The following TEX36 variants were observed in gnomAD, a reference collection of about 807,000 sequenced individuals.
TEX36 encodes testis-expressed protein 36.
A neutral mutation model predicts 13.6 loss-of-function variants in TEX36; 12 were observed. That is an observed-to-expected ratio of 0.88 (90% confidence interval 0.56 to 1.43). TEX36 has a LOEUF of 1.43. TEX36 is among the 40% of genes most tolerant of loss of function. The pLI is 0.00. For synonymous variants in TEX36, 93 were observed against 83.0 expected, an observed-to-expected ratio of 1.12 and a Z score of -0.65; for missense variants, 224 against 228.3, an observed-to-expected ratio of 0.98 and a Z score of 0.12.
intron 1 of TEX36, among the ~76,000 whole-genome samples, chr10:125,676,905 C>T (rs545670574): frequency 6.6e-6 from 1 of 152,186 alleles, no homozygotes; most frequent in Non-Finnish European, 1.5e-5. Context: ...AAAAGTCCTT[C>T]CCTCAGCATT....
chr10:125,663,144 C>T (rs1847073326), intron 1 of TEX36, among the ~76,000 whole-genome samples: 1 of 152,220 alleles, frequency 6.6e-6, no homozygotes, highest in South Asian at 2.1e-4. Flanking sequence ...ACTAAACTTT[C>T]TCAAGCCTCG....
intron 1 of TEX36, among the ~76,000 whole-genome samples, chr10:125,673,169 A>G (rs558342060): frequency 6.5e-4 from 99 of 152,244 alleles, no homozygotes; most frequent in African/African-American, 2.3e-3. Flanking sequence ...TGTCATCATG[A>G]TGTTAGCTGG....
intron 3 of TEX36, among the ~76,000 whole-genome samples, chr10:125,586,894 G>A (rs1299694322): frequency 1.3e-5 from 2 of 152,132 alleles, no homozygotes; most frequent in African/African-American, 4.8e-5. Context: ...TGGAGGTGGG[G>A]CCTGGTGGGA....
chr10:125,581,286 A>G (rs923054071), intron 3 of TEX36, among the ~76,000 whole-genome samples: 1 of 152,092 alleles, frequency 6.6e-6, no homozygotes, highest in African/African-American at 2.4e-5. Context: ...TCTAGTACCG[A>G]GAAGATGCTG....
chr10:125,602,871 C>T (rs766492148), intron 3 of TEX36, among the ~76,000 whole-genome samples: 62 of 152,326 alleles, frequency 4.1e-4, no homozygotes, highest in African/African-American at 1.3e-3. Context: ...ATACATCAAA[C>T]GCATGCGGTA....
At position 125,590,574 on chromosome 10, in the gene TEX36, T is replaced by A. The variant is rs75032564; in HGVS notation, c.265-13700A>T. Among the ~76,000 whole-genome samples, 508 of 152,292 alleles carry A rather than the reference T, an allele frequency of 3.3e-3. 3 individuals are homozygous for A. The highest frequency in any genetic ancestry group is 0.012 in the African/African-American group (484 of 41,554). ...AATGCGGCAGATATTATTATTACTA[T>A]TATTACTAGGCTAAAAGTGTTTCCT... On this transcript the variant is annotated intron_variant, in intron 3 of 3. Coordinates refer to the TEX36 transcript ENST00000532135.
chr10:125,681,001 T>TA (rs1565193586), intron 1 of TEX36, among the ~76,000 whole-genome samples: 1 of 152,202 alleles, frequency 6.6e-6, no homozygotes, highest in Non-Finnish European at 1.5e-5. Context: ...CCCTTTTAGC[T>TA]AAATTGGCCA....
At chr10:125,612,986 C>G (rs1017591262) in intron 3 of TEX36, among the ~76,000 whole-genome samples, 9 of 151,958 alleles carry the variant, frequency 5.9e-5, no homozygotes, top group African/African-American at 2.2e-4. Flanking sequence ...GCCACCCCCA[C>G]CAAAAGCCTG....
chr10:125,599,662 T>G (rs1178533714), intron 3 of TEX36, among the ~76,000 whole-genome samples: 1 of 152,226 alleles, frequency 6.6e-6, no homozygotes, highest in Non-Finnish European at 1.5e-5. Context: ...AGTAACATTT[T>G]CACTGCCTCA....
rs1361249060 is a variant in TEX36 at position 125,655,890 on chromosome 10, T to C, written c.*10A>G. The C allele has an allele frequency of 4.7e-6, 7 of 1,477,114 alleles. No individual in the cohort carries two copies. The highest frequency in any genetic ancestry group is 3.5e-4 in the Middle Eastern group (2 of 5,658). The allele number at this position is 1,477,114 out of a possible 1,614,324, so 91.5% of individuals were successfully genotyped here. ...GTATTACAAAATTCATCAAAAATCT[T>C]CTGGGAGGATTAGGACTCCAGTGAA... On this transcript the variant is annotated 3_prime_UTR_variant, in exon 4 of 4. Transcript: ENST00000368821.
At chr10:125,633,465 T>A (rs938113406) in intron 3 of TEX36, among the ~76,000 whole-genome samples, 5 of 152,208 alleles carry the variant, frequency 3.3e-5, no homozygotes, top group Non-Finnish European at 7.3e-5. Flanking sequence ...ATCGATTTTT[T>A]AAAAACATTC....
rs574936026 is a variant in TEX36 at position 125,590,154 on chromosome 10, G to T, written c.265-13280C>A. 3.4e-3 allele frequency among the ~76,000 whole-genome samples: 522 copies of T among 151,742 alleles called. 10 individuals are homozygous for T. Among genetic ancestry groups the T allele is most frequent in the Middle Eastern group, 6.8e-3 (2 of 294 alleles). On this transcript the variant is annotated intron_variant, in intron 3 of 3. Coordinates refer to the TEX36 transcript ENST00000532135. ...ATTTGAGACAGGCTCTTGCTCTGTC[G>T]CACAGGCTGGAGTGTAGTGGCACCA...
intron 1 of TEX36, among the ~76,000 whole-genome samples, chr10:125,669,786 T>G (rs1432432921): frequency 6.6e-6 from 1 of 152,164 alleles, no homozygotes; most frequent in East Asian, 1.9e-4. Flanking sequence ...GTGTGTTGTT[T>G]CCTTCCCTGT....
chr10:125,606,917 A>G (rs928943269), intron 3 of TEX36, among the ~76,000 whole-genome samples: 1 of 152,222 alleles, frequency 6.6e-6, no homozygotes, highest in Non-Finnish European at 1.5e-5. Context: ...CAAGGATAGT[A>G]TCACATTTTT....
intron 1 of TEX36, chr10:125,667,894 G>A (rs571611096): frequency 1.7e-5 from 26 of 1,503,438 alleles, no homozygotes; most frequent in East Asian, 1.1e-4. Context: ...TGCGGTGAGC[G>A]ATGTCAGACA....
chr10:125,624,533 G>T (rs2133562465), intron 3 of TEX36, among the ~76,000 whole-genome samples: 1 of 152,210 alleles, frequency 6.6e-6, no homozygotes, highest in African/African-American at 2.4e-5. Context: ...GGTGGGGCTG[G>T]TCATAGCCAG....
chr10:125,636,489 C>T (rs142828927), intron 3 of TEX36, among the ~76,000 whole-genome samples: 2,863 of 152,164 alleles, frequency 0.019, 89 homozygotes, highest in African/African-American at 0.064. Flanking sequence ...GCTAGGATTA[C>T]GGGCGTGAGC....
chr10:125,617,982 G>A (rs1389495545), downstream of TEX36, among the ~76,000 whole-genome samples: 8 of 152,104 alleles, frequency 5.3e-5, no homozygotes, highest in East Asian at 3.9e-4. Context: ...GGCTTTGCTC[G>A]TTTCTTTTTA....
At chr10:125,642,679 T>C (rs1846708931) in intron 3 of TEX36, among the ~76,000 whole-genome samples, 1 of 152,198 alleles carries the variant, frequency 6.6e-6, no homozygotes, top group South Asian at 2.1e-4. Flanking sequence ...TTTTGTGTTT[T>C]CTATTTCAAA....
Sources: gnomAD v4.1 joint callset for allele counts (sites outside exome capture counted in the v4.1 genomes callset) on GRCh38, gnomAD v4.1.1 for gene constraint, MANE v1.5 for transcripts, NCBI Gene and HGNC (gene_info 2026-07-23, HGNC 2026-07-21) for gene names.